The following ATRNL1 variants were observed in gnomAD, a reference collection of about 807,000 sequenced individuals.
ATRNL1 encodes the protein attractin like 1.
ATRNL1 carries 95 observed loss-of-function variants against 182.7 expected under a neutral mutation model. The ratio of observed to expected loss-of-function variants is 0.52; its 90% CI spans 0.44 to 0.62. The LOEUF (loss-of-function observed/expected upper bound fraction) is 0.62. ATRNL1 is among the 20% of genes least tolerant of loss of function. ATRNL1 has a pLI of 0.00. For missense variants in ATRNL1, 1,471 were observed against 1,679.5 expected (o/e 0.88, Z 2.17); for synonymous variants, 576 against 568.3 (o/e 1.01, Z -0.19).
intron 27 of ATRNL1, among the ~76,000 whole-genome samples, chr10:115,845,499 C>A (rs1056727047): frequency 6.6e-5 from 10 of 151,906 alleles, no homozygotes; most frequent in Admixed American, 4.6e-4. Context: ...ATTTTTTTCT[C>A]CGTTGATGCT....
chr10:115,679,727 G>A (rs1945987108), intron 26 of ATRNL1, among the ~76,000 whole-genome samples: 1 of 151,932 alleles, frequency 6.6e-6, no homozygotes, highest in South Asian at 2.1e-4. Flanking sequence ...AAATTTTAAT[G>A]GGCCTCTGTC....
In ATRNL1 at chr10:115,847,826, A is replaced by G. The variant is rs1555099231; in HGVS notation, c.3904-51A>G. 3.2e-6 allele frequency: 3 copies of G among 942,732 alleles called. No homozygotes were observed. In the South Asian group the frequency reaches 4.0e-5, roughly 13 times the overall value. The allele number at this position is 942,732 out of a possible 1,614,324, so 58.4% of individuals were successfully genotyped here. On this transcript the variant is annotated intron_variant, in intron 27 of 28. Coordinates refer to ENST00000355044, the MANE Select transcript of ATRNL1 (RefSeq NM_207303.4). ...AAGGATAGATAAGGTGAAAATTAAA[A>G]TAGCAATGCTATGTCAATTTTGCAA...
At chr10:115,454,815 C>A (rs555480264) in intron 21 of ATRNL1, among the ~76,000 whole-genome samples, 3 of 151,680 alleles carry the variant, frequency 2.0e-5, no homozygotes, top group Non-Finnish European at 4.4e-5. Context: ...ATGTGTGGAG[C>A]CTTTAGTATT....
At chr10:115,498,120 A>C (rs797041527) in intron 24 of ATRNL1, among the ~76,000 whole-genome samples, 57 of 152,312 alleles carry the variant, frequency 3.7e-4, no homozygotes, top group African/African-American at 1.1e-3. Flanking sequence ...CATTAGATTT[A>C]ATTTAAATAT....
intron 4 of ATRNL1, among the ~76,000 whole-genome samples, 187 bp downstream of exon 4, chr10:115,127,908 C>A (rs1418802245): frequency 6.6e-6 from 1 of 152,116 alleles, no homozygotes; most frequent in Non-Finnish European, 1.5e-5. Flanking sequence ...AAAACGTGAT[C>A]TAAACCTATA....
At chr10:115,201,314 G>C (rs1848569353) in intron 8 of ATRNL1, among the ~76,000 whole-genome samples, 1 of 152,078 alleles carries the variant, frequency 6.6e-6, no homozygotes, top group African/African-American at 2.4e-5. Context: ...CCATGCCTAT[G>C]TCCTGAATGG....
chr10:115,257,806 G>T (rs1017727927), intron 10 of ATRNL1, among the ~76,000 whole-genome samples: 9 of 152,160 alleles, frequency 5.9e-5, no homozygotes, highest in South Asian at 2.1e-4. Flanking sequence ...AGGCCTGATG[G>T]TGACAAAATC....
intron 26 of ATRNL1, among the ~76,000 whole-genome samples, chr10:115,579,349 A>G (rs1854927448): frequency 1.3e-5 from 2 of 151,714 alleles, no homozygotes; most frequent in South Asian, 2.1e-4. Context: ...TGTTTGCTTT[A>G]TATGTTTATA....
At chr10:115,203,478 C>G (rs1848672532) in intron 8 of ATRNL1, among the ~76,000 whole-genome samples, 2 of 151,328 alleles carry the variant, frequency 1.3e-5, no homozygotes, top group South Asian at 4.2e-4. Context: ...CTGGTCATTT[C>G]TTGGTACATG....
chr10:115,653,749 C>T (rs868957298), intron 26 of ATRNL1, among the ~76,000 whole-genome samples: 1 of 152,310 alleles, frequency 6.6e-6, no homozygotes, highest in Middle Eastern at 3.4e-3. Flanking sequence ...ACTCTAAGCT[C>T]CTTGTTTGCA....
At chr10:115,582,722 T>G (rs1248964195) in intron 26 of ATRNL1, among the ~76,000 whole-genome samples, 1 of 149,640 alleles carries the variant, frequency 6.7e-6, no homozygotes, top group Non-Finnish European at 1.5e-5. Flanking sequence ...GGTAGTTTCT[T>G]TTGCTGTGCA....
At chr10:115,801,503 G>T (rs1452450822) in intron 27 of ATRNL1, among the ~76,000 whole-genome samples, 1 of 152,044 alleles carries the variant, frequency 6.6e-6, no homozygotes, top group African/African-American at 2.4e-5. Context: ...AAAATATTGG[G>T]GTATTATTAT....
rs74490246 is a variant in ATRNL1 at position 115,208,555 on chromosome 10, A to T, written c.1349-7142A>T. Among the ~76,000 whole-genome samples the T allele has an allele frequency of 3.8e-3, 581 of 152,146 alleles. 7 individuals carry two copies. The highest frequency in any genetic ancestry group is 0.013 in the African/African-American group (551 of 41,540). The stretch of plus-strand genomic sequence containing the variant: ...TTAGAGTGGATCCAGAGCAACTTTC[A>T]GTTTATTGCTCATTTATTTTGGTAC... On this transcript the variant is annotated intron_variant, in intron 8 of 28. Coordinates refer to ENST00000355044, the MANE Select transcript of ATRNL1 (RefSeq NM_207303.4).
intron 28 of ATRNL1, among the ~76,000 whole-genome samples, chr10:115,898,609 C>T (rs1403070091): frequency 6.6e-6 from 1 of 152,134 alleles, no homozygotes; most frequent in African/African-American, 2.4e-5. Flanking sequence ...AGGTGACACA[C>T]ACCTTGTCTA....
intron 25 of ATRNL1, among the ~76,000 whole-genome samples, chr10:115,540,531 GC>G (rs1554991674): frequency 6.6e-6 from 1 of 152,082 alleles, no homozygotes; most frequent in African/African-American, 2.4e-5. Context: ...GGAGGCTGAG[GC>G]AGGTGGATCA....
intron 28 of ATRNL1, among the ~76,000 whole-genome samples, chr10:115,884,397 A>G (rs1374670173): frequency 6.6e-6 from 1 of 152,190 alleles, no homozygotes; most frequent in East Asian, 1.9e-4. Flanking sequence ...CCAGAATCAC[A>G]TTGCTCCCAT....
intron 28 of ATRNL1, among the ~76,000 whole-genome samples, chr10:115,934,371 A>T (rs1953493163): frequency 6.6e-6 from 1 of 152,196 alleles, no homozygotes; most frequent in Non-Finnish European, 1.5e-5. Flanking sequence ...CCAATTCTGC[A>T]TCTCTGGCAT....
intron 28 of ATRNL1, among the ~76,000 whole-genome samples, chr10:115,917,724 A>C (rs1273277175): frequency 6.6e-6 from 1 of 152,206 alleles, no homozygotes; most frequent in Non-Finnish European, 1.5e-5. Context: ...GAAGATATTC[A>C]TGCTAACCAC....
At chr10:115,796,410 G>T (rs1302393428) in intron 27 of ATRNL1, among the ~76,000 whole-genome samples, 1 of 152,018 alleles carries the variant, frequency 6.6e-6, no homozygotes, top group African/African-American at 2.4e-5. Context: ...TGTTGAAACA[G>T]GTAAGCAAAA....
Sources: gnomAD v4.1 joint callset for allele counts (sites outside exome capture counted in the v4.1 genomes callset) on GRCh38, gnomAD v4.1.1 for gene constraint, MANE v1.5 for transcripts, NCBI Gene and HGNC (gene_info 2026-07-23, HGNC 2026-07-21) for gene names.